The following OR4Q3 variants were observed in gnomAD, a reference collection of about 807,000 sequenced individuals.
OR4Q3 encodes olfactory receptor family 4 subfamily Q member 3.
Under a neutral mutation model 18.8 loss-of-function variants are expected in OR4Q3, and 17 were observed. That is an observed-to-expected ratio of 0.91 (90% CI 0.62 to 1.36). The LOEUF is 1.36. Among genes scored for constraint, OR4Q3 ranks in the 40% most tolerant of loss-of-function variants. The probability of loss-of-function intolerance (pLI) is 0.00; values close to 1 mark genes in which losing one functional copy is unlikely to be tolerated. For synonymous variants in OR4Q3, 158 were observed against 145.8 expected (o/e 1.08, Z -0.60); for missense variants, 378 against 373.4 (o/e 1.01, Z -0.10).
chr14:19,751,384 C>T, downstream of OR4Q3, among the ~76,000 whole-genome samples: 3 of 152,176 alleles, frequency 2.0e-5, no homozygotes, highest in Non-Finnish European at 2.9e-5. Flanking sequence ...TAAGCTGATG[C>T]TAGCTTCATA....
chr14:19,745,516 T>C, intron 1 of OR4Q3, among the ~76,000 whole-genome samples: 6 of 152,326 alleles, frequency 3.9e-5, no homozygotes, highest in Admixed American at 3.9e-4. Context: ...TTGTGTAGGA[T>C]TATGTGTTCC....
chr14:19,747,697 C>T, exon 2 of OR4Q3: 3 of 1,614,030 alleles, frequency 1.9e-6, no homozygotes, highest in South Asian at 2.2e-5. Flanking sequence ...TACAGCAGGG[C>T]AAGAGCATCT....
downstream of OR4Q3, among the ~76,000 whole-genome samples, chr14:19,749,877 T>C: frequency 2.0e-4 from 6 of 30,284 alleles, no homozygotes; most frequent in South Asian, 3.7e-3. Flanking sequence ...TTTCTTTCTT[T>C]CTTTCTTTCT....
exon 2 of OR4Q3, chr14:19,748,783 G>A: frequency 5.7e-6 from 1 of 175,336 alleles, no homozygotes; most frequent in East Asian, 1.6e-4. Flanking sequence ...AGTTCCTTCT[G>A]ATGTCTCATC....
At chr14:19,744,169 G>C (rs375442352) in intron 1 of OR4Q3, among the ~76,000 whole-genome samples, 17 of 152,296 alleles carry the variant, frequency 1.1e-4, no homozygotes, top group African/African-American at 4.1e-4. Flanking sequence ...GAATACCACT[G>C]TAGGTACCAT....
downstream of OR4Q3, among the ~76,000 whole-genome samples, chr14:19,750,980 G>T: frequency 6.6e-6 from 1 of 152,264 alleles, no homozygotes; most frequent in Admixed American, 6.5e-5. Context: ...GTTACAGAAA[G>T]ATTTGAGTGG....
downstream of OR4Q3, among the ~76,000 whole-genome samples, chr14:19,749,750 T>C: frequency 6.7e-6 from 1 of 148,892 alleles, no homozygotes; most frequent in Admixed American, 6.7e-5. Context: ...TCTCTCTCTC[T>C]TTCTTCTTTC....
At chr14:19,749,481 C>G, downstream of OR4Q3, 3 of 152,648 alleles carry the variant, frequency 2.0e-5, no homozygotes, top group East Asian at 1.9e-4. Flanking sequence ...GCCTGTAATC[C>G]CAGCTACTCA....
chr14:19,749,900 TTCTTTCTTTTTTC>T, downstream of OR4Q3, among the ~76,000 whole-genome samples: 45 of 10,294 alleles, frequency 4.4e-3, no homozygotes, highest in East Asian at 0.014. Context: ...CTTTCTTTCT[TTCTTTCTTTTTTC>T]TTTCTTTCTT....
chr14:19,749,393 G>T, exon 2 of OR4Q3: 1 of 152,394 alleles, frequency 6.6e-6, no homozygotes, highest in African/African-American at 2.4e-5. Context: ...GAAGTCAGGA[G>T]TTTGAGACCA....
exon 2 of OR4Q3, chr14:19,747,584 G>T: frequency 2.5e-6 from 4 of 1,613,782 alleles, no homozygotes; most frequent in South Asian, 2.2e-5. Context: ...GCAAGCCCAT[G>T]CTCACCTGCT....
chr14:19,748,801 T>C, exon 2 of OR4Q3: 2 of 170,738 alleles, frequency 1.2e-5, no homozygotes, highest in Non-Finnish European at 2.5e-5. Context: ...ATCAGATCCT[T>C]TTCTGAAGTA....
downstream of OR4Q3, among the ~76,000 whole-genome samples, chr14:19,750,400 A>G: frequency 6.6e-6 from 1 of 152,258 alleles, no homozygotes; most frequent in Non-Finnish European, 1.5e-5. Flanking sequence ...GGATCCTTGC[A>G]ATATTTTATG....
At chr14:19,750,467 C>T, downstream of OR4Q3, among the ~76,000 whole-genome samples, 1 of 152,148 alleles carries the variant, frequency 6.6e-6, no homozygotes, top group Non-Finnish European at 1.5e-5. Flanking sequence ...CAAACTTTTA[C>T]AATGTTTTTT....
exon 2 of OR4Q3, chr14:19,749,303 C>T: frequency 6.6e-6 from 1 of 152,332 alleles, no homozygotes; most frequent in South Asian, 2.1e-4. Context: ...TTGCCCATGA[C>T]CACTTAGAAG....
exon 2 of OR4Q3, chr14:19,748,254 A>G: frequency 6.2e-7 from 1 of 1,613,804 alleles, no homozygotes. Flanking sequence ...TCCTTGTTTT[A>G]CACAGTGATT....
chr14:19,748,175 C>T, exon 2 of OR4Q3: 20 of 1,613,998 alleles, frequency 1.2e-5, no homozygotes, highest in East Asian at 2.2e-5. Flanking sequence ...AGTGGTCAGC[C>T]TGATCTTCGT....
downstream of OR4Q3, among the ~76,000 whole-genome samples, chr14:19,751,993 C>T: frequency 6.6e-6 from 1 of 152,140 alleles, no homozygotes; most frequent in African/African-American, 2.4e-5. Flanking sequence ...GAAGCTAGAC[C>T]CTTGCTTTTC....
chr14:19,752,023 A>C, downstream of OR4Q3, among the ~76,000 whole-genome samples: 1 of 152,374 alleles, frequency 6.6e-6, no homozygotes, highest in East Asian at 1.9e-4. Context: ...GAAAATTAAC[A>C]GGATAGATTA....
Sources: allele counts gnomAD v4.1 joint callset (sites outside exome capture counted in the v4.1 genomes callset), GRCh38; gene constraint gnomAD v4.1.1; transcripts MANE v1.5; gene names NCBI Gene and HGNC (gene_info 2026-07-23, HGNC 2026-07-21).